The following KALRN variants were observed in gnomAD, a reference collection of about 807,000 sequenced individuals.
The protein encoded by KALRN is kalirin RhoGEF kinase.
A neutral mutation model predicts 353.7 loss-of-function variants in KALRN; 70 were observed. The ratio of observed to expected loss-of-function variants is 0.20; its 90% CI spans 0.16 to 0.24. The LOEUF is 0.24. KALRN is among the 10% of genes least tolerant of loss of function. KALRN has a pLI of 1.00. For missense variants in KALRN, 2,791 were observed against 3,756.7 expected (o/e 0.74, Z 6.72); for synonymous variants, 1,391 against 1,434.8 (o/e 0.97, Z 0.69).
Position 124,632,503 on chromosome 3 carries a change from A to C in KALRN, c.5266A>C (p.Ile1756Leu), listed in dbSNP as rs1343154479. 6.2e-7 allele frequency: 1 copy of C among 1,614,044 alleles called. No individual in the cohort carries two copies. The highest frequency in any genetic ancestry group is 8.5e-7 in the Non-Finnish European group (1 of 1,180,038). ...GCAGGCCCAGCCCTCCCTGAACTCC[A>C]TCCACAGTTCCCCGGGTCCCAAGCG... ...NLQAQPSLNS[I>L]HSSPGPKRST... Residue 1756 changes from isoleucine (I) to leucine (L), a missense_variant, in exon 35 of 60, where the codon ATC (isoleucine) becomes CTC (leucine). Physicochemically the swap from Ile to Leu is conservative, Grantham distance 5. Around this residue, in one of 11 missense-constraint regions of KALRN, gnomAD observed 1,065 missense variants for 1,156.4 expected, o/e 0.92. Coordinates refer to ENST00000682506, the MANE Select transcript of KALRN (RefSeq NM_001388419.1).
intron 5 of KALRN, among the ~76,000 whole-genome samples, chr3:124,296,042 C>G (rs1433196935): frequency 1.3e-5 from 2 of 152,154 alleles, no homozygotes; most frequent in African/African-American, 2.4e-5. Flanking sequence ...TTCGTCCTTT[C>G]TTTACTGTTG....
At chr3:124,425,771 T>C (rs751771153) in intron 15 of KALRN, among the ~76,000 whole-genome samples, 7 of 152,168 alleles carry the variant, frequency 4.6e-5, no homozygotes, top group Non-Finnish European at 7.3e-5. Context: ...AATAGAAATA[T>C]ATTTATTCTC....
chr3:124,187,546 C>G (rs1373184922), intron 1 of KALRN, among the ~76,000 whole-genome samples: 1 of 152,180 alleles, frequency 6.6e-6, no homozygotes, highest in Non-Finnish European at 1.5e-5. Context: ...AGTTTCTATT[C>G]CCCTGGAGAT....
At chr3:124,042,633 G>A (rs1214915827) in intron 1 of KALRN, among the ~76,000 whole-genome samples, 1 of 152,166 alleles carries the variant, frequency 6.6e-6, no homozygotes, top group Non-Finnish European at 1.5e-5. Context: ...AAAGTTTAGA[G>A]TTTGAGTGAC....
intron 25 of KALRN, among the ~76,000 whole-genome samples, chr3:124,470,427 CAG>C (rs1464027304): frequency 2.0e-5 from 3 of 152,100 alleles, no homozygotes; most frequent in African/African-American, 7.2e-5. Context: ...AGAAGTAAAA[CAG>C]AGTTTAATAT....
At chr3:124,135,601 G>A (rs1426620694) in intron 1 of KALRN, among the ~76,000 whole-genome samples, 1 of 152,196 alleles carries the variant, frequency 6.6e-6, no homozygotes, top group Non-Finnish European at 1.5e-5. Context: ...ACTGTGAGCT[G>A]TCTTATAGGG....
intron 34 of KALRN, among the ~76,000 whole-genome samples, chr3:124,593,322 G>C (rs888986813): frequency 8.5e-5 from 13 of 152,190 alleles, no homozygotes; most frequent in Non-Finnish European, 1.6e-4. Flanking sequence ...ACTTAGAGCA[G>C]AAGTTCTCAA....
intron 9 of KALRN, among the ~76,000 whole-genome samples, chr3:124,345,878 T>A (rs1401299598): frequency 6.6e-6 from 1 of 152,190 alleles, no homozygotes; most frequent in Non-Finnish European, 1.5e-5. Flanking sequence ...ATACCTGTAG[T>A]CAATGGAATG....
intron 1 of KALRN, among the ~76,000 whole-genome samples, chr3:124,222,601 G>A (rs1468286588): frequency 1.3e-5 from 2 of 152,112 alleles, no homozygotes; most frequent in African/African-American, 2.4e-5. Flanking sequence ...GTTTTTTTGT[G>A]TGTGTGGTGG....
chr3:124,173,872 C>T (rs1425340611), intron 1 of KALRN, among the ~76,000 whole-genome samples: 1 of 152,074 alleles, frequency 6.6e-6, no homozygotes. Flanking sequence ...CCTCGGCCTC[C>T]CTAACTGCTG....
intron 3 of KALRN, among the ~76,000 whole-genome samples, chr3:124,258,869 C>G (rs775339925): frequency 6.6e-6 from 1 of 152,314 alleles, no homozygotes; most frequent in South Asian, 2.1e-4. Flanking sequence ...GGTGGCTGTA[C>G]GTATTTTCCA....
In KALRN at chr3:124,666,545, G is replaced by A. The variant is rs144745311; in HGVS notation, c.6442G>A (p.Val2148Met). 131 of 1,613,832 alleles carry A rather than the reference G, an allele frequency of 8.1e-5. No homozygotes were observed. Among genetic ancestry groups the A allele is most frequent in the Non-Finnish European group, 9.8e-5 (116 of 1,179,856 alleles). Residue 2148 changes from valine (V) to methionine (M), a missense_variant, in exon 46 of 60, where the codon GTG becomes ATG. Coordinates refer to ENST00000682506, the MANE Select transcript of KALRN (RefSeq NM_001388419.1). ...GCAGTCCCGGACCAAAGAGAGGCGCGTGTTCCTCTTCGAGCAGATTGTCAT... is the reference window on the plus strand; with the variant it reads ...GCAGTCCCGGACCAAAGAGAGGCGCATGTTCCTCTTCGAGCAGATTGTCAT... ...GMQSRTKERR[V>M]FLFEQIVIFS... is the part of the protein sequence containing the mutation.
At chr3:124,414,789 A>G (rs1014096507) in intron 14 of KALRN, among the ~76,000 whole-genome samples, 2 of 152,190 alleles carry the variant, frequency 1.3e-5, no homozygotes, top group East Asian at 1.9e-4. Context: ...TTGTTGGCTC[A>G]GGTTCCTCAG....
chr3:124,470,346 G>T (rs1300066165), intron 25 of KALRN, among the ~76,000 whole-genome samples: 1 of 152,114 alleles, frequency 6.6e-6, no homozygotes, highest in Non-Finnish European at 1.5e-5. Context: ...AATTCATCAT[G>T]TCTATTTGAA....
intron 33 of KALRN, among the ~76,000 whole-genome samples, chr3:124,541,822 G>A (rs762412004): frequency 1.6e-4 from 25 of 152,148 alleles, no homozygotes; most frequent in Non-Finnish European, 3.2e-4. Context: ...AACCCAGGAG[G>A]TGGGAGTTGC....
intron 25 of KALRN, 121 bp downstream of exon 25, chr3:124,462,754 T>A: frequency 1.6e-6 from 1 of 611,214 alleles, no homozygotes; most frequent in Non-Finnish European, 2.9e-6. Flanking sequence ...CTAAGGCAGT[T>A]GCTGTCAGAC....
At chr3:124,607,357 T>C (rs147016577) in intron 34 of KALRN, among the ~76,000 whole-genome samples, 110 of 152,340 alleles carry the variant, frequency 7.2e-4, no homozygotes, top group African/African-American at 2.5e-3. Flanking sequence ...GGTGAATGCA[T>C]TGAAAATGAG....
intron 1 of KALRN, among the ~76,000 whole-genome samples, chr3:124,133,617 G>A (rs907645048): frequency 3.3e-5 from 5 of 152,200 alleles, no homozygotes; most frequent in African/African-American, 4.8e-5. Flanking sequence ...GGAGGGAGGC[G>A]CTAGAGGAAT....
chr3:124,286,091 C>CTTTCTT (rs1553893936), intron 5 of KALRN, among the ~76,000 whole-genome samples: 3 of 136,192 alleles, frequency 2.2e-5, no homozygotes, highest in Non-Finnish European at 4.7e-5. Context: ...TCCTTTCTTT[C>CTTTCTT]TTTCTTTCTT....
Sources: allele counts gnomAD v4.1 joint callset (sites outside exome capture counted in the v4.1 genomes callset), GRCh38; gene constraint gnomAD v4.1.1; regional missense constraint gnomAD v4.1.1; transcripts MANE v1.5; gene names NCBI Gene and HGNC (gene_info 2026-07-23, HGNC 2026-07-21).